The following TMEM236 variants were observed in gnomAD, a reference collection of about 807,000 sequenced individuals.
TMEM236 encodes the protein transmembrane protein 236, also known as family with sequence similarity 23, member A.
A neutral mutation model predicts 14.7 loss-of-function variants in TMEM236; 11 were observed. The observed-to-expected ratio is 0.75, with a 90% confidence interval of 0.47 to 1.24. The LOEUF is 1.24. TMEM236 is among the 50% of genes most tolerant of loss of function. The pLI is 0.00. For synonymous variants in TMEM236, 182 were observed against 168.6 expected (o/e 1.08, Z -0.62); for missense variants, 464 against 427.3 (o/e 1.09, Z -0.76).
intron 3 of TMEM236, among the ~76,000 whole-genome samples, chr10:17,791,201 T>C (rs1273040764): frequency 6.6e-6 from 1 of 151,834 alleles, no homozygotes; most frequent in Non-Finnish European, 1.5e-5. Context: ...ATTTGGTGCG[T>C]TGGGAGGCTG....
At chr10:17,785,303 G>A (rs1837816282) in intron 3 of TMEM236, among the ~76,000 whole-genome samples, 1 of 152,264 alleles carries the variant, frequency 6.6e-6, no homozygotes, top group African/African-American at 2.4e-5. Context: ...TCAACAGACT[G>A]GAAGACAGAA....
At chr10:17,781,352 G>T (rs1837744582) in intron 3 of TMEM236, among the ~76,000 whole-genome samples, 1 of 152,148 alleles carries the variant, frequency 6.6e-6, no homozygotes, top group Admixed American at 6.5e-5. Flanking sequence ...CAACAAACCT[G>T]GTGCTGGGAG....
intron 3 of TMEM236, among the ~76,000 whole-genome samples, chr10:17,786,921 C>A (rs1837846070): frequency 6.6e-6 from 1 of 152,176 alleles, no homozygotes; most frequent in Non-Finnish European, 1.5e-5. Context: ...CTTATGAGAT[C>A]TGATGGGTTT....
intron 3 of TMEM236, among the ~76,000 whole-genome samples, chr10:17,787,536 G>A (rs1054653348): frequency 2.6e-5 from 4 of 152,206 alleles, no homozygotes; most frequent in Non-Finnish European, 5.9e-5. Context: ...TCATGCTTTG[G>A]CTTCCTTGCC....
At chr10:17,755,889 G>A (rs1314854155) in intron 1 of TMEM236, among the ~76,000 whole-genome samples, 1 of 152,252 alleles carries the variant, frequency 6.6e-6, no homozygotes, top group South Asian at 2.1e-4. Context: ...ATAACTTACT[G>A]TTATTATTAT....
At position 17,752,570 on chromosome 10, in the gene TMEM236, CT is replaced by C; in HGVS notation, c.257+26del. On this transcript the variant is annotated intron_variant, in intron 1 of 3. Transcript: ENST00000377495. Reference sequence around the variant, plus strand: ...AAAGGATGGTAAGTAAAAGAATTTTCTTTTTTTTCTTTTTGATTTGGAGTCT... The same window carrying C: ...AAAGGATGGTAAGTAAAAGAATTTTCTTTTTTTCTTTTTGATTTGGAGTCT... 4 of 1,610,378 alleles carry C rather than the reference CT, an allele frequency of 2.5e-6. No individual in the cohort carries two copies. Among genetic ancestry groups the C allele is most frequent in the East Asian group, 2.2e-5 (1 of 44,846 alleles).
At chr10:17,772,586 C>G (rs1837590689) in intron 2 of TMEM236, among the ~76,000 whole-genome samples, 1 of 151,932 alleles carries the variant, frequency 6.6e-6, no homozygotes, top group Non-Finnish European at 1.5e-5. Context: ...CTTTTTCTTT[C>G]CTTTCCTTTT....
At chr10:17,754,418 G>A (rs1454995873) in intron 1 of TMEM236, among the ~76,000 whole-genome samples, 5 of 151,838 alleles carry the variant, frequency 3.3e-5, no homozygotes, top group Non-Finnish European at 7.4e-5. Flanking sequence ...CCTCCCCAGG[G>A]GGCTCAGGTG....
At chr10:17,762,047 C>T (rs1837373634) in intron 1 of TMEM236, among the ~76,000 whole-genome samples, 1 of 152,176 alleles carries the variant, frequency 6.6e-6, no homozygotes, top group African/African-American at 2.4e-5. Context: ...CCTAATTCCC[C>T]ATTTCTATTG....
At chr10:17,765,595 C>G (rs36040355) in intron 1 of TMEM236, among the ~76,000 whole-genome samples, 3 of 151,974 alleles carry the variant, frequency 2.0e-5, no homozygotes, top group Admixed American at 1.3e-4. Context: ...TAGACATTAC[C>G]ATTCTGAAAG....
At chr10:17,782,423 G>A (rs1837767168) in intron 3 of TMEM236, among the ~76,000 whole-genome samples, 3 of 151,850 alleles carry the variant, frequency 2.0e-5, no homozygotes, top group African/African-American at 4.8e-5. Context: ...TGTATGGTGG[G>A]CATCATTCTC....
chr10:17,762,626 T>C (rs1221065556), intron 1 of TMEM236, among the ~76,000 whole-genome samples: 2 of 94,000 alleles, frequency 2.1e-5, no homozygotes, highest in Non-Finnish European at 3.8e-5. Context: ...TATACACACA[T>C]ACATATATAT....
chr10:17,754,016 A>G (rs1442431188), intron 1 of TMEM236, among the ~76,000 whole-genome samples: 7 of 152,194 alleles, frequency 4.6e-5, no homozygotes, highest in Non-Finnish European at 7.3e-5. Context: ...TAATTTTTCT[A>G]CAGTCATTTA....
chr10:17,762,082 G>A (rs1344986494), intron 1 of TMEM236, among the ~76,000 whole-genome samples: 3 of 151,946 alleles, frequency 2.0e-5, no homozygotes, highest in Non-Finnish European at 4.4e-5. Flanking sequence ...CCATCAGCTC[G>A]CATAATATAA....
At position 17,796,435 on chromosome 10, in the gene TMEM236, C is replaced by G; in HGVS notation, c.987C>G (p.Leu329=). 2.5e-6 allele frequency: 4 copies of G among 1,613,792 alleles called. No individual in the cohort carries two copies. Among genetic ancestry groups the G allele is most frequent in the Non-Finnish European group, 3.4e-6 (4 of 1,179,830 alleles). The change falls in exon 4 of 4, where the codon CTC becomes CTG. Residue 329 remains leucine, a synonymous_variant. Transcript: ENST00000377495. Reference sequence around the variant, plus strand: ...TGTGTAAAAATATCCTCGTGACTCTCTCTTACATTTACTTCAATTACCTAA... The same window carrying G: ...TGTGTAAAAATATCCTCGTGACTCTGTCTTACATTTACTTCAATTACCTAA... ...LGLCKNILVT[L]SYIYFNYLTR...
intron 3 of TMEM236, among the ~76,000 whole-genome samples, chr10:17,793,678 T>A (rs1486351809): frequency 6.6e-6 from 1 of 152,010 alleles, no homozygotes; most frequent in Non-Finnish European, 1.5e-5. Flanking sequence ...TAGAAATGGG[T>A]TTCACCATTG....
In TMEM236 at chr10:17,797,188, A is replaced by C. The variant is rs1304043558; in HGVS notation, c.*684A>C. The C allele has an allele frequency of 6.6e-6, 1 of 152,406 alleles. No individual in the cohort carries two copies. The highest frequency in any genetic ancestry group is 1.5e-5 in the Non-Finnish European group (1 of 68,212). The allele number at this position is 152,406 out of a possible 1,614,324, so 9.4% of individuals were successfully genotyped here. A position where few individuals can be genotyped will look rare whatever the true frequency, so the allele number is the denominator to read the frequency against. The stretch of plus-strand genomic sequence containing the variant: ...AGAACCTTTTCCATCAAGTTAGCCC[A>C]AGAATAAGATTTTTATCTTTTATAT... On this transcript the variant is annotated 3_prime_UTR_variant, in exon 4 of 4. Transcript: ENST00000377495.
rs913657936 is a variant in TMEM236 at position 17,781,575 on chromosome 10, G to A, written c.472+5405G>A. Among the ~76,000 whole-genome samples, 457 of 151,896 alleles carry A rather than the reference G, an allele frequency of 3.0e-3. 2 individuals are homozygous for A. Among genetic ancestry groups the A allele is most frequent in the African/African-American group, 0.011 (443 of 41,424 alleles). On this transcript the variant is annotated intron_variant, in intron 3 of 3. Transcript: ENST00000377495. ...AGCCTGGCCAACATGGTGAAACCCCGTTTCTACTAAAAATATAAAAATTGG... is the reference window on the plus strand; with the variant it reads ...AGCCTGGCCAACATGGTGAAACCCCATTTCTACTAAAAATATAAAAATTGG...
In TMEM236 at chr10:17,789,468, A is replaced by G. The variant is rs1417932377; in HGVS notation, c.473-6453A>G. ...ATGACCATTCTATATGCCAAACACT[A>G]TTTTTAAGTGCTTTACAGATGCTGA... On this transcript the variant is annotated intron_variant, in intron 3 of 3. Transcript: ENST00000377495. Among the ~76,000 whole-genome samples, 4 of 152,202 alleles carry G rather than the reference A, an allele frequency of 2.6e-5. No individual in the cohort carries two copies. The East Asian group carries it at 5.8e-4, about 22-fold the overall frequency.
Sources: gnomAD v4.1 joint callset for allele counts (sites outside exome capture counted in the v4.1 genomes callset) on GRCh38, gnomAD v4.1.1 for gene constraint, MANE v1.5 for transcripts, NCBI Gene and HGNC (gene_info 2026-07-23, HGNC 2026-07-21) for gene names.